Variants in PCDHGA9 observed in about 807,000 individuals in gnomAD.
PCDHGA9 encodes protocadherin gamma subfamily A, 9.
In PCDHGA9, 37 loss-of-function variants were observed where a neutral mutation model predicts 62.5. That is an observed-to-expected ratio of 0.59 (90% CI 0.46 to 0.78). The LOEUF (loss-of-function observed/expected upper bound fraction) is 0.78. PCDHGA9 is among the 30% of genes least tolerant of loss of function. PCDHGA9 has a pLI of 0.00. For synonymous variants in PCDHGA9, 459 were observed against 484.6 expected, an observed-to-expected ratio of 0.95 and a Z score of 0.69; for missense variants, 1,138 against 1,166.2, an observed-to-expected ratio of 0.98 and a Z score of 0.35.
chr5:141,403,838 G>C lies in PCDHGA9; in HGVS notation c.886G>C (p.Glu296Gln). The C allele has an allele frequency of 6.2e-7, 1 of 1,613,710 alleles. No homozygotes were observed. Among genetic ancestry groups the C allele is most frequent in the Non-Finnish European group, 8.5e-7 (1 of 1,179,812 alleles). The change falls in exon 1 of 4, where the codon GAA (glutamate) becomes CAA (glutamine). Residue 296 changes from glutamate to glutamine, a missense_variant. Physicochemically the swap from Glu to Gln is conservative, Grantham distance 29 (BLOSUM62 2). Coordinates refer to ENST00000573521, the MANE Select transcript of PCDHGA9 (RefSeq NM_018921.3). ...ACAATCTCTGCTATTCCAGCTTAAT[G>C]AAAATACTGGGGAAATATCAACAGC... ...EKQSLLFQLN[E>Q]NTGEISTAKS...
intron 1 of PCDHGA9, chr5:141,421,860 C>G: frequency 8.1e-6 from 13 of 1,613,750 alleles, no homozygotes; most frequent in Non-Finnish European, 1.1e-5. Context: ...CTCACCTGCT[C>G]CTCCTCACAG....
rs747077639 is a variant in PCDHGA9, at chr5:141,432,371, G to C, written c.2424+26995G>C. 2 of 1,614,234 alleles carry C rather than the reference G, an allele frequency of 1.2e-6. No individual in the cohort carries two copies. The highest frequency in any genetic ancestry group is 1.6e-4 in the Middle Eastern group (1 of 6,062). ...AGTGAAAGTGATGGCGCGGGACAAC[G>C]GGCACCCGCCCCTCAGCAGCAACGT... On this transcript the variant is annotated intron_variant, in intron 1 of 3. Transcript: ENST00000573521. The surrounding 1 kb of genome is among the most constrained non-coding windows in gnomAD (Gnocchi z 6.0).
Position 141,489,409 on chromosome 5 carries a change from A to T in PCDHGA9, c.2425-5398A>T. On this transcript the variant is annotated intron_variant, in intron 1 of 3. Transcript: ENST00000573521. The surrounding 1 kb of genome is among the most constrained non-coding windows in gnomAD (Gnocchi z 4.5). ...TGCTCAGGATCTGGGCTTAAAGATG[A>T]CAGATCTGTTGAGCCGGCGGCTGCA... 1.9e-6 allele frequency: 3 copies of T among 1,614,114 alleles called. No homozygotes were observed. The highest frequency in any genetic ancestry group is 2.5e-6 in the Non-Finnish European group (3 of 1,180,004).
At chr5:141,467,924 G>A (rs2099154404) in intron 1 of PCDHGA9, among the ~76,000 whole-genome samples, 1 of 152,042 alleles carries the variant, frequency 6.6e-6, no homozygotes, top group Non-Finnish European at 1.5e-5. Context: ...CTCCCAAAAT[G>A]CTAGGATTAC....
At position 141,431,427 on chromosome 5, in the gene PCDHGA9, C is replaced by G. The variant is rs1269666597; in HGVS notation, c.2424+26051C>G. The stretch of plus-strand genomic sequence containing the variant: ...TCCGACGGGGGCGACCCGGTGCGCA[C>G]AGGCACCGCGCGCATCCGCGTGATG... On this transcript the variant is annotated intron_variant, in intron 1 of 3. Transcript: ENST00000573521. The surrounding 1 kb of genome is among the most constrained non-coding windows in gnomAD (Gnocchi z 4.8). 1.2e-6 allele frequency: 2 copies of G among 1,613,584 alleles called. No homozygotes were observed.
intron 1 of PCDHGA9, among the ~76,000 whole-genome samples, chr5:141,461,616 T>A (rs1399885412): frequency 6.6e-6 from 1 of 152,236 alleles, no homozygotes; most frequent in African/African-American, 2.4e-5. Context: ...CAAAGTATTT[T>A]CTAATACACC....
Position 141,432,667 on chromosome 5 carries a change from C to T in PCDHGA9, c.2424+27291C>T, listed in dbSNP as rs1312138743. ...CGGCGCGAGCCCTGCTGGACAGAGACGCGCTCAAGCAGAGCCTCGTAGTGG... is the reference window on the plus strand; with the variant it reads ...CGGCGCGAGCCCTGCTGGACAGAGATGCGCTCAAGCAGAGCCTCGTAGTGG... On this transcript the variant is annotated intron_variant, in intron 1 of 3. Transcript: ENST00000573521. This position sits in a 1 kb window ranked among gnomAD's most constrained non-coding sequence, Gnocchi z 6.0. The T allele has an allele frequency of 1.2e-6, 2 of 1,613,876 alleles. No individual in the cohort carries two copies. The highest frequency in any genetic ancestry group is 1.1e-5 in the South Asian group (1 of 91,066).
At chr5:141,448,488 C>A (rs568050769) in intron 1 of PCDHGA9, among the ~76,000 whole-genome samples, 1 of 152,280 alleles carries the variant, frequency 6.6e-6, no homozygotes, top group African/African-American at 2.4e-5. Context: ...TTCCTCCTGT[C>A]CCCTGTAGGT....
chr5:141,474,169 T>C (rs1268235616), intron 1 of PCDHGA9, among the ~76,000 whole-genome samples: 2 of 152,232 alleles, frequency 1.3e-5, no homozygotes, highest in Non-Finnish European at 2.9e-5. Context: ...GGCCTTATTA[T>C]TGAGAAAACT....
At chr5:141,428,307 C>T (rs759382004) in intron 1 of PCDHGA9, 5 of 688,034 alleles carry the variant, frequency 7.3e-6, no homozygotes, top group Non-Finnish European at 5.1e-6. Flanking sequence ...TTTACCTGGT[C>T]GTGGCCTTGG....
rs181615917 is a variant in PCDHGA9, at chr5:141,404,333, C to G, written c.1381C>G (p.Leu461Val). 10 of 1,613,736 alleles carry G rather than the reference C, an allele frequency of 6.2e-6. No individual in the cohort carries two copies. The highest frequency in any genetic ancestry group is 8.5e-6 in the Non-Finnish European group (10 of 1,179,816). The change falls in exon 1 of 4, where the codon CTC becomes GTC. Residue 461 changes from leucine (L) to valine (V), a missense_variant. Coordinates refer to ENST00000573521, the MANE Select transcript of PCDHGA9 (RefSeq NM_018921.3). The part of the protein sequence containing the change: ...AFSQASYSVY[L>V]PENNARGTSI... ...CTCTCAAGCCTCCTACTCAGTCTAC[C>G]TCCCGGAAAACAACGCCAGAGGTAC...
At chr5:141,422,100 A>G (rs1019775470) in intron 1 of PCDHGA9, 2 of 1,609,786 alleles carry the variant, frequency 1.2e-6, no homozygotes, top group Non-Finnish European at 1.7e-6. Context: ...AGGCTTCTGA[A>G]ATATTCCAAT....
At position 141,512,280 on chromosome 5, in the gene PCDHGA9, TGGAAGGGTCAGC is replaced by T. The variant is rs1187119941; in HGVS notation, c.*1111_*1122del. The T allele has an allele frequency of 1.3e-5, 2 of 152,682 alleles. No individual in the cohort carries two copies. Among genetic ancestry groups the T allele is most frequent in the African/African-American group, 2.4e-5 (1 of 41,396 alleles). 9.5% of individuals were successfully genotyped at this position (152,682 alleles called of 1,614,324 possible). ...CTGGGTACTCCAGAGGTGCCACTGGTGGAAGGGTCAGCGGAGCCCCAGCAGGAAGGGTGGGCC... is the reference window on the plus strand; with the variant it reads ...CTGGGTACTCCAGAGGTGCCACTGGTGGAGCCCCAGCAGGAAGGGTGGGCC... On this transcript the variant is annotated 3_prime_UTR_variant, in exon 4 of 4. Transcript: ENST00000573521.
intron 2 of PCDHGA9, among the ~76,000 whole-genome samples, chr5:141,497,809 G>A (rs1256990692): frequency 1.3e-5 from 2 of 152,190 alleles, no homozygotes. Context: ...CAAAGTGCTA[G>A]AATTACAGGT....
Position 141,424,165 on chromosome 5 carries a change from A to G in PCDHGA9, c.2424+18789A>G, listed in dbSNP as rs1328883463. 2.8e-5 allele frequency: 7 copies of G among 251,918 alleles called. No individual in the cohort carries two copies. The South Asian group carries it at 4.6e-4, about 17-fold the overall frequency. The allele number at this position is 251,918 out of a possible 1,614,324, so 15.6% of individuals were successfully genotyped here. On this transcript the variant is annotated intron_variant, in intron 1 of 3. Transcript: ENST00000573521. Reference sequence around the variant, plus strand: ...CTCCCTCTAGCTCTCCTTCTCATCTATCTATCTATACACATGCACACACAC... The same window carrying G: ...CTCCCTCTAGCTCTCCTTCTCATCTGTCTATCTATACACATGCACACACAC...
intron 1 of PCDHGA9, among the ~76,000 whole-genome samples, chr5:141,465,502 G>T (rs948827391): frequency 6.6e-6 from 1 of 152,152 alleles, no homozygotes; most frequent in Non-Finnish European, 1.5e-5. Flanking sequence ...GAGCATTGTC[G>T]TGGTCAGGAA....
intron 3 of PCDHGA9, among the ~76,000 whole-genome samples, chr5:141,505,697 C>T (rs540949327): frequency 1.4e-4 from 21 of 152,198 alleles, no homozygotes; most frequent in Admixed American, 7.2e-4. Context: ...TGGAGGAGAG[C>T]GAACAAGGAA....
intron 1 of PCDHGA9, among the ~76,000 whole-genome samples, chr5:141,457,968 G>A (rs919621979): frequency 6.6e-6 from 1 of 152,120 alleles, no homozygotes; most frequent in African/African-American, 2.4e-5. Context: ...TTCCTTAAAG[G>A]GAAACACACC....
intron 1 of PCDHGA9, chr5:141,418,007 C>T: frequency 6.2e-7 from 1 of 1,613,904 alleles, no homozygotes; most frequent in Non-Finnish European, 8.5e-7. Flanking sequence ...GGTGGGGAAC[C>T]TCGCTAAGGA....
Sources: allele counts gnomAD v4.1 joint callset (sites outside exome capture counted in the v4.1 genomes callset), GRCh38; gene constraint gnomAD v4.1.1; non-coding constraint Gnocchi (gnomAD v3.1); transcripts MANE v1.5; gene names NCBI Gene and HGNC (gene_info 2026-07-23, HGNC 2026-07-21).